Variants in RAD51B observed in about 807,000 individuals in gnomAD.
The protein encoded by RAD51B is DNA repair protein RAD51 homolog 2.
A neutral mutation model predicts 42.2 loss-of-function variants in RAD51B; 38 were observed. The observed-to-expected ratio is 0.90, with a 90% CI of 0.70 to 1.18. RAD51B has a LOEUF of 1.18. Ranked by LOEUF, RAD51B falls within the 50% of genes most tolerant of loss-of-function variation. The probability of loss-of-function intolerance (pLI) is 0.00; values close to 1 mark genes in which losing one functional copy is unlikely to be tolerated. For missense variants in RAD51B, 373 were observed against 400.7 expected, an observed-to-expected ratio of 0.93 and a Z score of 0.59; for synonymous variants, 154 against 145.2, an observed-to-expected ratio of 1.06 and a Z score of -0.43.
intron 10 of RAD51B, among the ~76,000 whole-genome samples, chr14:68,528,517 T>A (rs995225196): frequency 6.6e-6 from 1 of 152,234 alleles, no homozygotes; most frequent in Non-Finnish European, 1.5e-5. Context: ...AAACCCATGA[T>A]CAGCCTGTTA....
chr14:68,661,918 A>G (rs1385858601), intron 11 of RAD51B, among the ~76,000 whole-genome samples: 1 of 152,098 alleles, frequency 6.6e-6, no homozygotes, highest in African/African-American at 2.4e-5. Context: ...CAACATGACT[A>G]CCTTCCAGAC....
chr14:68,109,372 T>A (rs1032327402), intron 7 of RAD51B, among the ~76,000 whole-genome samples: 1 of 152,036 alleles, frequency 6.6e-6, no homozygotes, highest in Non-Finnish European at 1.5e-5. Context: ...TTTGTAAACA[T>A]GTTATCGAAG....
chr14:67,937,122 G>A (rs1351275264), intron 7 of RAD51B, among the ~76,000 whole-genome samples: 1 of 152,160 alleles, frequency 6.6e-6, no homozygotes, highest in Non-Finnish European at 1.5e-5. Flanking sequence ...TAGTTTAGAA[G>A]GATTTGCAGT....
At chr14:68,524,605 T>C (rs148446429) in intron 10 of RAD51B, among the ~76,000 whole-genome samples, 89 of 152,316 alleles carry the variant, frequency 5.8e-4, no homozygotes, top group African/African-American at 2.1e-3. Context: ...TCTTCTGAGA[T>C]TTTAGAACTG....
chr14:68,175,873 C>T (rs894551282), intron 7 of RAD51B, among the ~76,000 whole-genome samples: 12 of 152,190 alleles, frequency 7.9e-5, no homozygotes, highest in Admixed American at 2.0e-4. Context: ...CTGACAGTTC[C>T]AAGCCAATGG....
chr14:68,263,167 A>G (rs2080921987), intron 7 of RAD51B, among the ~76,000 whole-genome samples: 1 of 152,218 alleles, frequency 6.6e-6, no homozygotes, highest in Non-Finnish European at 1.5e-5. Context: ...AAGGAACAGG[A>G]TACCTGCAAG....
intron 9 of RAD51B, among the ~76,000 whole-genome samples, chr14:68,443,225 A>G (rs567121281): frequency 5.1e-4 from 77 of 152,370 alleles, no homozygotes; most frequent in African/African-American, 1.6e-3. Flanking sequence ...CCTGTGGTCT[A>G]GGGATGAGTT....
intron 7 of RAD51B, among the ~76,000 whole-genome samples, chr14:68,032,484 C>A (rs1250858363): frequency 2.0e-5 from 3 of 152,160 alleles, no homozygotes; most frequent in Non-Finnish European, 4.4e-5. Flanking sequence ...ATAAGTTCAT[C>A]TATCATGGCT....
intron 7 of RAD51B, among the ~76,000 whole-genome samples, chr14:67,941,462 C>T (rs187204895): frequency 1.2e-4 from 18 of 152,260 alleles, no homozygotes; most frequent in Admixed American, 4.6e-4. Context: ...GGATTTTGCT[C>T]TAATTTTGCA....
intron 9 of RAD51B, among the ~76,000 whole-genome samples, chr14:68,467,526 C>T (rs1313898321): frequency 6.6e-6 from 1 of 152,240 alleles, no homozygotes; most frequent in Non-Finnish European, 1.5e-5. Flanking sequence ...GACAATGGCA[C>T]AAACGTTAAG....
intron 7 of RAD51B, among the ~76,000 whole-genome samples, chr14:68,025,116 T>G (rs2075931596): frequency 6.6e-6 from 1 of 152,112 alleles, no homozygotes; most frequent in South Asian, 2.1e-4. Flanking sequence ...TATTTTTTGC[T>G]TTTAATTCTG....
intron 7 of RAD51B, among the ~76,000 whole-genome samples, chr14:68,189,428 T>C (rs539011982): frequency 5.3e-5 from 8 of 152,334 alleles, no homozygotes; most frequent in African/African-American, 1.9e-4. Context: ...GTCTTGCTAC[T>C]AATCTCAAAA....
intron 7 of RAD51B, among the ~76,000 whole-genome samples, chr14:67,914,068 C>G (rs1275444816): frequency 6.6e-6 from 1 of 151,834 alleles, no homozygotes; most frequent in South Asian, 2.1e-4. Flanking sequence ...CTGCAACCTC[C>G]GCCTCCCATT....
intron 7 of RAD51B, among the ~76,000 whole-genome samples, chr14:68,089,134 A>G (rs1469096330): frequency 6.6e-6 from 1 of 151,982 alleles, no homozygotes; most frequent in East Asian, 1.9e-4. Flanking sequence ...AGTCACTCCA[A>G]CTTTGAAGCA....
chr14:67,982,935 C>T (rs956331851), intron 7 of RAD51B, among the ~76,000 whole-genome samples: 8 of 151,986 alleles, frequency 5.3e-5, no homozygotes, highest in African/African-American at 1.5e-4. Flanking sequence ...CATGGTGGCA[C>T]GAGCCTGTAG....
In RAD51B at chr14:67,910,298, C is replaced by T. The variant is rs930103300; in HGVS notation, c.756+23094C>T. ...TCTGCTTTAACTTATAAATATTTCTCGGGAGGCTGAGGCAGGAGAATGGCG... is the reference window on the plus strand; with the variant it reads ...TCTGCTTTAACTTATAAATATTTCTTGGGAGGCTGAGGCAGGAGAATGGCG... On this transcript the variant is annotated intron_variant, in intron 7 of 10. Transcript: ENST00000471583. 7.3e-5 allele frequency among the ~76,000 whole-genome samples: 6 copies of T among 82,178 alleles called. 1 individual carries two copies. Among genetic ancestry groups the T allele is most frequent in the East Asian group, 5.1e-4 (2 of 3,960 alleles). 53.9% of individuals were successfully genotyped at this position (82,178 alleles called of 152,430 possible). A position where few individuals can be genotyped will look rare whatever the true frequency, so the allele number is the denominator to read the frequency against.
At chr14:68,426,046 T>TTCTCTCTC (rs1221192647) in intron 9 of RAD51B, among the ~76,000 whole-genome samples, 1 of 148,698 alleles carries the variant, frequency 6.7e-6, no homozygotes. Flanking sequence ...CTTTCTCTCT[T>TTCTCTCTC]TCTCTCTCTC....
chr14:68,272,072 A>G (rs2081114528), intron 7 of RAD51B, among the ~76,000 whole-genome samples: 1 of 152,248 alleles, frequency 6.6e-6, no homozygotes, highest in African/African-American at 2.4e-5. Flanking sequence ...TTATGATTTC[A>G]GAACTTAATT....
exon 11 of RAD51B, chr14:68,650,802 C>T (rs1210403817): frequency 1.3e-6 from 1 of 761,104 alleles, no homozygotes; most frequent in Non-Finnish European, 2.4e-6. Flanking sequence ...ATTTGCATAT[C>T]TGGTTTCTCA....
Sources: allele counts gnomAD v4.1 joint callset (sites outside exome capture counted in the v4.1 genomes callset), GRCh38; gene constraint gnomAD v4.1.1; transcripts MANE v1.5; gene names NCBI Gene and HGNC (gene_info 2026-07-23, HGNC 2026-07-21).